Variants in FBXW7 observed in about 807,000 individuals in gnomAD.
FBXW7 encodes the protein F-box and WD repeat domain containing 7, also known as F-box/WD repeat-containing protein 7.
Under a neutral mutation model 86.3 loss-of-function variants are expected in FBXW7, and 11 were observed. The ratio of observed to expected loss-of-function variants is 0.13; its 90% CI spans 0.08 to 0.21. FBXW7 has a LOEUF of 0.21. Ranked by LOEUF, FBXW7 falls within the 10% of genes least tolerant of loss-of-function variation. The pLI, the probability that FBXW7 is intolerant of heterozygous loss-of-function variation, is 1.00. For synonymous variants in FBXW7, 313 were observed against 297.9 expected, an observed-to-expected ratio of 1.05 and a Z score of -0.52; for missense variants, 488 against 847.4, an observed-to-expected ratio of 0.58 and a Z score of 5.27.
chr4:152,410,496 T>C (rs1246358817), intron 4 of FBXW7, among the ~76,000 whole-genome samples: 1 of 152,118 alleles, frequency 6.6e-6, no homozygotes, highest in East Asian at 1.9e-4. Context: ...GACTTGCAGA[T>C]AGGCTAGGTA....
chr4:152,528,857 T>C (rs1047486274), intron 2 of FBXW7, among the ~76,000 whole-genome samples: 2 of 152,206 alleles, frequency 1.3e-5, no homozygotes, highest in African/African-American at 4.8e-5. Context: ...TAAGGTCTTT[T>C]AATATTGCCT....
At chr4:152,523,512 T>C (rs1749202317) in intron 2 of FBXW7, among the ~76,000 whole-genome samples, 1 of 152,162 alleles carries the variant, frequency 6.6e-6, no homozygotes. Context: ...GAGCAACATC[T>C]CTCTGAATGA....
At position 152,501,264 on chromosome 4, in the gene FBXW7, T is replaced by C. The variant is rs544999999; in HGVS notation, c.-120+33677A>G. Among the ~76,000 whole-genome samples, 26 of 152,350 alleles carry C rather than the reference T, an allele frequency of 1.7e-4. No homozygotes were observed. In the South Asian group the frequency reaches 1.9e-3, roughly 11 times the overall value. On this transcript the variant is annotated intron_variant, in intron 2 of 13. Transcript: ENST00000281708. ...GAATGCACTTTGGAAACCATCTAAATAGGCAAATTCTCTCAAGACAAGTTC... is the reference window on the plus strand; with the variant it reads ...GAATGCACTTTGGAAACCATCTAAACAGGCAAATTCTCTCAAGACAAGTTC...
chr4:152,432,742 G>A (rs1189352845), intron 2 of FBXW7, among the ~76,000 whole-genome samples: 3 of 152,166 alleles, frequency 2.0e-5, no homozygotes, highest in Admixed American at 2.0e-4. Flanking sequence ...AACCTGGGAG[G>A]CACAGGTTGC....
intron 2 of FBXW7, among the ~76,000 whole-genome samples, chr4:152,450,462 C>T (rs1016792561): frequency 6.6e-6 from 1 of 152,174 alleles, no homozygotes; most frequent in African/African-American, 2.4e-5. Context: ...AGCAAAAGAA[C>T]TTCTAAAATC....
At chr4:152,398,127 A>C (rs1736584590) in intron 4 of FBXW7, among the ~76,000 whole-genome samples, 1 of 152,036 alleles carries the variant, frequency 6.6e-6, no homozygotes, top group Non-Finnish European at 1.5e-5. Context: ...AGTGCACATA[A>C]TTACTGTTGA....
intron 4 of FBXW7, among the ~76,000 whole-genome samples, chr4:152,404,545 T>C (rs1390059251): frequency 3.3e-5 from 5 of 152,240 alleles, no homozygotes; most frequent in Non-Finnish European, 7.3e-5. Context: ...TTGAATCCTA[T>C]ATTTTAAATA....
rs1734691722 is a variant in FBXW7, at chr4:152,377,782, T to C, written c.502-27658A>G. On this transcript the variant is annotated intron_variant, in intron 4 of 13. Transcript: ENST00000281708. ...AAAAAAAAAAAAAAAATCAGAGTGA[T>C]TAGATACGCAAAAATAAAATTCTTC... Among the ~76,000 whole-genome samples the C allele has an allele frequency of 4.0e-5, 6 of 149,152 alleles. No individual in the cohort carries two copies. In the South Asian group the frequency reaches 1.3e-3, roughly 31 times the overall value.
chr4:152,459,810 G>T (rs962614445), intron 2 of FBXW7, among the ~76,000 whole-genome samples: 9 of 152,136 alleles, frequency 5.9e-5, no homozygotes, highest in African/African-American at 2.2e-4. Context: ...ATATGAATGT[G>T]GTCTCTCAAA....
intron 2 of FBXW7, among the ~76,000 whole-genome samples, chr4:152,473,899 A>C (rs1286655351): frequency 6.6e-6 from 1 of 152,192 alleles, no homozygotes; most frequent in Non-Finnish European, 1.5e-5. Flanking sequence ...AAAAGGAAAA[A>C]ATCCCTCCCT....
At chr4:152,520,472 A>G (rs944475797) in intron 2 of FBXW7, among the ~76,000 whole-genome samples, 8 of 151,112 alleles carry the variant, frequency 5.3e-5, no homozygotes, top group Admixed American at 2.6e-4. Flanking sequence ...AATCATTACC[A>G]AAAGCAAAAG....
intron 2 of FBXW7, among the ~76,000 whole-genome samples, chr4:152,461,267 T>C (rs1398640806): frequency 6.6e-6 from 1 of 152,040 alleles, no homozygotes; most frequent in Non-Finnish European, 1.5e-5. Context: ...TAAAATAAAA[T>C]AAAATATAAT....
At chr4:152,495,230 C>T (rs1466538610) in intron 2 of FBXW7, among the ~76,000 whole-genome samples, 2 of 151,964 alleles carry the variant, frequency 1.3e-5, no homozygotes, top group Non-Finnish European at 2.9e-5. Flanking sequence ...GTCAGGAGTT[C>T]GAGATCACCC....
intron 2 of FBXW7, among the ~76,000 whole-genome samples, chr4:152,414,470 A>G (rs1050266190): frequency 7.9e-5 from 12 of 152,140 alleles, no homozygotes; most frequent in East Asian, 1.9e-4. Context: ...TCTGCACAGT[A>G]TATGTCCACA....
intron 2 of FBXW7, among the ~76,000 whole-genome samples, chr4:152,417,365 G>A (rs1256791296): frequency 6.6e-6 from 1 of 152,112 alleles, no homozygotes; most frequent in Non-Finnish European, 1.5e-5. Context: ...AAGAAACCCA[G>A]ATGGCTCTTC....
intron 2 of FBXW7, among the ~76,000 whole-genome samples, chr4:152,448,895 C>T (rs147909241): frequency 6.6e-6 from 1 of 152,110 alleles, no homozygotes; most frequent in East Asian, 1.9e-4. Context: ...CTCAAGACAC[C>T]CCAAAATTAT....
At chr4:152,512,381 T>C (rs891185561) in intron 2 of FBXW7, among the ~76,000 whole-genome samples, 1 of 152,180 alleles carries the variant, frequency 6.6e-6, no homozygotes, top group African/African-American at 2.4e-5. Context: ...TATTTTTCTA[T>C]TATGTTTATA....
At chr4:152,352,365 C>T (rs745953163) in intron 4 of FBXW7, 2 of 1,435,416 alleles carry the variant, frequency 1.4e-6, no homozygotes, top group Non-Finnish European at 1.9e-6. Context: ...CAGCCACCCA[C>T]CAAAATTAGA....
At chr4:152,507,300 G>A (rs2149709002) in intron 2 of FBXW7, among the ~76,000 whole-genome samples, 1 of 152,188 alleles carries the variant, frequency 6.6e-6, no homozygotes, top group South Asian at 2.1e-4. Flanking sequence ...ATAAATAAAT[G>A]AGAAATGTAA....
Sources: allele counts gnomAD v4.1 joint callset (sites outside exome capture counted in the v4.1 genomes callset), GRCh38; gene constraint gnomAD v4.1.1; transcripts MANE v1.5; gene names NCBI Gene and HGNC (gene_info 2026-07-23, HGNC 2026-07-21).